Variants in PXDNL observed in about 807,000 individuals in gnomAD.
PXDNL encodes peroxidasin like.
Under a neutral mutation model 150.8 loss-of-function variants are expected in PXDNL, and 145 were observed. That is an observed-to-expected ratio of 0.96 (90% CI 0.84 to 1.10). PXDNL has a LOEUF of 1.10. Among genes scored for constraint, PXDNL ranks in the 50% least tolerant of loss-of-function variants. The pLI, the probability that PXDNL is intolerant of heterozygous loss-of-function variation, is 0.00. For missense variants in PXDNL, 2,087 were observed against 1,873.9 expected (o/e 1.11, Z -2.10); for synonymous variants, 757 against 725.7 (o/e 1.04, Z -0.69).
chr8:51,440,448 AAAAT>A (rs978989605), intron 12 of PXDNL, among the ~76,000 whole-genome samples: 2 of 11,788 alleles, frequency 1.7e-4, no homozygotes, highest in Non-Finnish European at 1.0e-3. Context: ...AATCCATTGA[AAAAT>A]AATAATAATA....
chr8:51,746,219 A>G (rs2036983205), intron 1 of PXDNL, among the ~76,000 whole-genome samples: 1 of 152,156 alleles, frequency 6.6e-6, no homozygotes, highest in Admixed American at 6.5e-5. Flanking sequence ...CAATGCCAAA[A>G]TGCACCTGCA....
chr8:51,416,027 A>G (rs1158808573), intron 14 of PXDNL, among the ~76,000 whole-genome samples: 2 of 152,186 alleles, frequency 1.3e-5, no homozygotes, highest in African/African-American at 2.4e-5. Context: ...AATCAAATCA[A>G]TCTGCACTGG....
At chr8:51,445,677 T>G (rs932971470) in intron 12 of PXDNL, among the ~76,000 whole-genome samples, 2 of 152,192 alleles carry the variant, frequency 1.3e-5, no homozygotes, top group Admixed American at 1.3e-4. Context: ...AAGATGAGGC[T>G]CTTTAGTGTC....
intron 2 of PXDNL, among the ~76,000 whole-genome samples, chr8:51,597,174 T>G (rs147059366): frequency 2.6e-5 from 4 of 152,300 alleles, no homozygotes; most frequent in African/African-American, 9.6e-5. Context: ...TTTTCCCCAT[T>G]GCTTGTTTAT....
intron 19 of PXDNL, among the ~76,000 whole-genome samples, chr8:51,368,878 C>G (rs1476381603): frequency 6.6e-6 from 1 of 152,096 alleles, no homozygotes; most frequent in Non-Finnish European, 1.5e-5. Flanking sequence ...GGCCTGTAGT[C>G]ACAGCTACTC....
chr8:51,586,631 A>G (rs1813328908), intron 3 of PXDNL, among the ~76,000 whole-genome samples: 2 of 152,080 alleles, frequency 1.3e-5, no homozygotes, highest in South Asian at 4.1e-4. Flanking sequence ...TAATATTTCA[A>G]AAAAAATCTT....
rs182677119 is a variant in PXDNL, at chr8:51,496,107, G to C, written c.452+3592C>G. ...ATGATCAAGTGGGCTTCATCCCTGG[G>C]ATGCAAGGCTGGTTCAACATATGGA... On this transcript the variant is annotated intron_variant, in intron 5 of 22. Coordinates refer to ENST00000356297, the MANE Select transcript of PXDNL (RefSeq NM_144651.5). Among the ~76,000 whole-genome samples, 7 of 152,276 alleles carry C rather than the reference G, an allele frequency of 4.6e-5. No individual in the cohort carries two copies. The East Asian group carries it at 1.3e-3, about 29-fold the overall frequency.
intron 1 of PXDNL, among the ~76,000 whole-genome samples, chr8:51,704,893 T>C (rs1449355331): frequency 1.3e-5 from 2 of 152,196 alleles, no homozygotes; most frequent in African/African-American, 2.4e-5. Flanking sequence ...GTATGTAATA[T>C]ATATACATTT....
intron 1 of PXDNL, among the ~76,000 whole-genome samples, chr8:51,657,853 C>G (rs529642555): frequency 1.5e-4 from 23 of 152,270 alleles, no homozygotes; most frequent in African/African-American, 5.1e-4. Context: ...TCAGAATTCC[C>G]TTCTTGTTTT....
intron 4 of PXDNL, among the ~76,000 whole-genome samples, chr8:51,511,092 A>C (rs1045480453): frequency 2.0e-5 from 3 of 152,178 alleles, no homozygotes; most frequent in Non-Finnish European, 4.4e-5. Context: ...TGGATTCCAG[A>C]GGCTTTTACA....
intron 1 of PXDNL, among the ~76,000 whole-genome samples, chr8:51,780,376 C>A (rs2037398954): frequency 1.3e-5 from 2 of 152,080 alleles, no homozygotes; most frequent in South Asian, 4.1e-4. Flanking sequence ...AAAGAAAATT[C>A]TCAGACACCC....
chr8:51,747,462 A>G (rs944153943), intron 1 of PXDNL, among the ~76,000 whole-genome samples: 2 of 152,230 alleles, frequency 1.3e-5, no homozygotes, highest in Non-Finnish European at 2.9e-5. Context: ...GAGAATTACA[A>G]ACTAACCACA....
At chr8:51,484,780 C>A (rs1373889856) in intron 5 of PXDNL, among the ~76,000 whole-genome samples, 1 of 152,216 alleles carries the variant, frequency 6.6e-6, no homozygotes, top group East Asian at 1.9e-4. Context: ...CTTTGGCTCC[C>A]TCCATGCTGC....
chr8:51,645,003 A>T (rs942196211), intron 2 of PXDNL, among the ~76,000 whole-genome samples: 10 of 152,130 alleles, frequency 6.6e-5, no homozygotes, highest in African/African-American at 2.4e-4. Context: ...GAATTGCCTC[A>T]CATGGTTGTG....
intron 4 of PXDNL, among the ~76,000 whole-genome samples, chr8:51,513,551 G>T (rs566244857): frequency 4.7e-4 from 71 of 152,308 alleles, no homozygotes; most frequent in African/African-American, 1.6e-3. Context: ...ATAAGAAAGA[G>T]AATGAAGCTA....
At chr8:51,593,506 G>A (rs890835139) in intron 2 of PXDNL, among the ~76,000 whole-genome samples, 2 of 152,102 alleles carry the variant, frequency 1.3e-5, no homozygotes, top group Non-Finnish European at 2.9e-5. Context: ...ATCTACTGCC[G>A]AAGTCCAATG....
intron 3 of PXDNL, among the ~76,000 whole-genome samples, chr8:51,579,519 G>T (rs1201399439): frequency 6.6e-6 from 1 of 152,004 alleles, no homozygotes; most frequent in Non-Finnish European, 1.5e-5. Flanking sequence ...AGCTCCTCTG[G>T]AAAACAATTT....
intron 1 of PXDNL, among the ~76,000 whole-genome samples, chr8:51,753,221 AAGCTATAATGTGCT>A (rs1425381975): frequency 6.6e-6 from 1 of 152,182 alleles, no homozygotes; most frequent in South Asian, 2.1e-4. Flanking sequence ...AATTTATCCA[AAGCTATAATGTGCT>A]ATTGGCTATT....
At chr8:51,752,911 G>A (rs1018170937) in intron 1 of PXDNL, among the ~76,000 whole-genome samples, 1 of 152,116 alleles carries the variant, frequency 6.6e-6, no homozygotes, top group African/African-American at 2.4e-5. Flanking sequence ...CATACCCATG[G>A]GCACAAATGT....
Sources: allele counts gnomAD v4.1 joint callset (sites outside exome capture counted in the v4.1 genomes callset), GRCh38; gene constraint gnomAD v4.1.1; transcripts MANE v1.5; gene names NCBI Gene and HGNC (gene_info 2026-07-23, HGNC 2026-07-21).